Variants in KIF26B observed in about 807,000 individuals in gnomAD.
KIF26B encodes kinesin family member 26B, also known as kinesin-like protein KIF26B.
A neutral mutation model predicts 151.2 loss-of-function variants in KIF26B; 63 were observed. That is an observed-to-expected ratio of 0.42 (90% CI 0.34 to 0.51). The LOEUF is 0.51. KIF26B is among the 20% of genes least tolerant of loss of function. The pLI, the probability that KIF26B is intolerant of heterozygous loss-of-function variation, is 0.07. For missense variants in KIF26B, 2,813 were observed against 2,913.6 expected (o/e 0.97, Z 0.79); for synonymous variants, 1,357 against 1,262.1 (o/e 1.08, Z -1.59).
intron 2 of KIF26B, among the ~76,000 whole-genome samples, chr1:245,195,726 A>G (rs985884894): frequency 6.6e-6 from 1 of 152,192 alleles, no homozygotes; most frequent in African/African-American, 2.4e-5. Context: ...CGAAAGAGCT[A>G]TGTTTTGTTC....
chr1:245,332,900 C>T (rs1168584012), intron 2 of KIF26B, among the ~76,000 whole-genome samples: 2 of 152,146 alleles, frequency 1.3e-5, no homozygotes, highest in Non-Finnish European at 2.9e-5. Flanking sequence ...TGCTCAGAAA[C>T]ATCTCCTGGA....
In KIF26B at chr1:245,155,317, G is replaced by C; in HGVS notation, c.-108G>C. The stretch of plus-strand genomic sequence containing the variant: ...CCCACCGCTGAAGAAACCTTGCCCT[G>C]AGGGCTGAGAGCCAGCCCCCTGCAG... On this transcript the variant is annotated 5_prime_UTR_variant, in exon 1 of 15. Transcript: ENST00000407071. 1 of 876,072 alleles carries C rather than the reference G, an allele frequency of 1.1e-6. No individual in the cohort carries two copies. Among genetic ancestry groups the C allele is most frequent in the Non-Finnish European group, 1.8e-6 (1 of 544,946 alleles). 54.3% of individuals were successfully genotyped at this position (876,072 alleles called of 1,614,324 possible).
At chr1:245,605,690 C>A (rs573241980) in intron 6 of KIF26B, among the ~76,000 whole-genome samples, 2 of 152,216 alleles carry the variant, frequency 1.3e-5, no homozygotes, top group East Asian at 3.9e-4. Context: ...GGCTGCATGC[C>A]TCTCCAGGTC....
At chr1:245,314,871 A>C (rs1052676388) in intron 2 of KIF26B, among the ~76,000 whole-genome samples, 1 of 152,234 alleles carries the variant, frequency 6.6e-6, no homozygotes, top group African/African-American at 2.4e-5. Context: ...TGCTATTAGC[A>C]TTATGTACTT....
chr1:245,618,702 G>C (rs989550856), intron 9 of KIF26B, among the ~76,000 whole-genome samples: 1 of 136,832 alleles, frequency 7.3e-6, no homozygotes, highest in African/African-American at 2.9e-5. Flanking sequence ...GAGTGCCACA[G>C]TGCTGGGGCT....
rs1357451278 is a variant in KIF26B at position 245,704,161 on chromosome 1, G to T, written c.*1555G>T. On this transcript the variant is annotated 3_prime_UTR_variant, in exon 15 of 15. Coordinates refer to ENST00000407071, the MANE Select transcript of KIF26B (RefSeq NM_018012.4). ...GAATCTAAGAGTCCCTGCAGCCTTC[G>T]CATCGAGGATGGTACTTAGGCGTGT... 1 of 152,252 alleles carries T rather than the reference G, an allele frequency of 6.6e-6. No homozygotes were observed. Among genetic ancestry groups the T allele is most frequent in the African/African-American group, 2.4e-5 (1 of 41,458 alleles). 9.4% of individuals were successfully genotyped at this position (152,252 alleles called of 1,614,324 possible). A position where few individuals can be genotyped will look rare whatever the true frequency, so the allele number is the denominator to read the frequency against.
intron 3 of KIF26B, among the ~76,000 whole-genome samples, chr1:245,414,731 A>G (rs1375561444): frequency 6.6e-6 from 1 of 152,194 alleles, no homozygotes; most frequent in Non-Finnish European, 1.5e-5. Flanking sequence ...ATTTCTACAC[A>G]CACACAGACA....
At chr1:245,440,705 AAT>A (rs1272223106) in intron 4 of KIF26B, among the ~76,000 whole-genome samples, 1 of 152,250 alleles carries the variant, frequency 6.6e-6, no homozygotes, top group Admixed American at 6.5e-5. Flanking sequence ...CTGTTTCTGA[AAT>A]AGTCTTTTCT....
chr1:245,594,574 TGTA>T (rs2043321248), intron 5 of KIF26B, among the ~76,000 whole-genome samples: 1 of 152,222 alleles, frequency 6.6e-6, no homozygotes, highest in Admixed American at 6.5e-5. Context: ...AGTGTAGCCT[TGTA>T]GTATAATTTG....
chr1:245,316,244 C>T (rs1258369087), intron 2 of KIF26B, among the ~76,000 whole-genome samples: 1 of 151,960 alleles, frequency 6.6e-6, no homozygotes, highest in African/African-American at 2.4e-5. Flanking sequence ...GCCTCAGCCT[C>T]CCAAGTAGAT....
intron 2 of KIF26B, among the ~76,000 whole-genome samples, chr1:245,174,100 T>C (rs569787990): frequency 2.6e-5 from 4 of 152,202 alleles, no homozygotes; most frequent in Non-Finnish European, 5.9e-5. Flanking sequence ...TGCAGTAAAC[T>C]CCAAAAAAAT....
chr1:245,424,833 T>C (rs542060768), intron 4 of KIF26B, among the ~76,000 whole-genome samples: 1 of 152,336 alleles, frequency 6.6e-6, no homozygotes, highest in South Asian at 2.1e-4. Context: ...CGATGGAGCA[T>C]GAAGCACCTG....
At chr1:245,189,526 A>G (rs751901598) in intron 2 of KIF26B, among the ~76,000 whole-genome samples, 3 of 152,334 alleles carry the variant, frequency 2.0e-5, no homozygotes, top group Non-Finnish European at 4.4e-5. Context: ...GGAAATGGGT[A>G]TTTGGGTGAT....
chr1:245,557,302 G>A (rs1038267046), intron 5 of KIF26B, among the ~76,000 whole-genome samples: 6 of 152,316 alleles, frequency 3.9e-5, no homozygotes, highest in Admixed American at 6.5e-5. Context: ...TGAAGGCTAA[G>A]GTCATCCAGA....
intron 2 of KIF26B, among the ~76,000 whole-genome samples, chr1:245,230,806 C>T (rs1245242687): frequency 6.7e-6 from 1 of 150,264 alleles, no homozygotes; most frequent in Non-Finnish European, 1.5e-5. Context: ...TCCCTGAAAA[C>T]AACCATGAAG....
rs1668629080 is a variant in KIF26B, at chr1:245,167,151, T to C, written c.465+10468T>C. Among the ~76,000 whole-genome samples the C allele has an allele frequency of 6.6e-6, 1 of 152,154 alleles. No homozygotes were observed. Among genetic ancestry groups the C allele is most frequent in the Non-Finnish European group, 1.5e-5 (1 of 68,034 alleles). ...CACAGCATGGTTCTAAAATCTTTGA[T>C]GGTTCTTACGTGTAAACTTTCTTTT... On this transcript the variant is annotated intron_variant, in intron 2 of 14. Coordinates refer to ENST00000407071, the MANE Select transcript of KIF26B (RefSeq NM_018012.4). The surrounding 1 kb of genome is among the most constrained non-coding windows in gnomAD (Gnocchi z 4.2).
At chr1:245,609,559 A>C (rs1486706312) in intron 8 of KIF26B, 31 bp downstream of exon 8, 1 of 1,483,160 alleles carries the variant, frequency 6.7e-7, no homozygotes, top group Non-Finnish European at 9.0e-7. Context: ...GCTCGCCCCA[A>C]GGTGGCTCCC....
chr1:245,428,807 C>T (rs903810204), intron 4 of KIF26B, among the ~76,000 whole-genome samples: 7 of 152,106 alleles, frequency 4.6e-5, no homozygotes, highest in African/African-American at 9.7e-5. Context: ...ATCATTTCCA[C>T]GGCTTTGCCT....
intron 4 of KIF26B, among the ~76,000 whole-genome samples, chr1:245,508,863 T>G (rs1190020480): frequency 1.3e-5 from 2 of 152,252 alleles, no homozygotes; most frequent in Non-Finnish European, 2.9e-5. Flanking sequence ...GCCTTTTGTC[T>G]TGTTTGCCTC....
Sources: allele counts gnomAD v4.1 joint callset (sites outside exome capture counted in the v4.1 genomes callset), GRCh38; gene constraint gnomAD v4.1.1; non-coding constraint Gnocchi (gnomAD v3.1); transcripts MANE v1.5; gene names NCBI Gene and HGNC (gene_info 2026-07-23, HGNC 2026-07-21).